CFLAR: variants seen among roughly 807,000 people sequenced by gnomAD.
The protein encoded by CFLAR is CASP8 and FADD-like apoptosis regulator.
In CFLAR, 14 loss-of-function variants were observed where a neutral mutation model predicts 51.1. The observed-to-expected ratio is 0.27, with a 90% confidence interval of 0.18 to 0.43. The LOEUF (loss-of-function observed/expected upper bound fraction) is 0.43. Ranked by LOEUF, CFLAR falls within the 20% of genes least tolerant of loss-of-function variation. The pLI, the probability that CFLAR is intolerant of heterozygous loss-of-function variation, is 1.00. For synonymous variants in CFLAR, 210 were observed against 211.6 expected (o/e 0.99, Z 0.06); for missense variants, 390 against 566.5 (o/e 0.69, Z 3.16).
chr2:201,149,671 AAAG>A, intron 7 of CFLAR, 80 bp from the exon 8 acceptor site: 3 of 1,056,270 alleles, frequency 2.8e-6, no homozygotes, highest in South Asian at 1.3e-5. Context: ...AGGAAATCCA[AAAG>A]AAGAGATGGT....
Position 201,160,522 on chromosome 2 carries a change from A to G in CFLAR, c.884A>G (p.Gln295Arg), listed in dbSNP as rs1310907369. 1 of 1,612,520 alleles carries G rather than the reference A, an allele frequency of 6.2e-7. No individual in the cohort carries two copies. Residue 295 changes from glutamine (Q) to arginine (R), a missense_variant, in exon 9 of 10, where the codon CAA becomes CGA. By Grantham distance (43) the Gln-to-Arg change is conservative (BLOSUM62 1). Transcript: ENST00000309955. ...CATGGTATATCCCAGATTCTTGGCC[A>G]ATTTGCCTGTATGCCCGAGCACCGA... is the stretch of plus-strand genomic sequence containing the variant. The part of the protein sequence containing the change: ...SMHGISQILG[Q>R]FACMPEHRDY...
chr2:201,140,155 C>G (rs1426102523), intron 4 of CFLAR: 4 of 372,812 alleles, frequency 1.1e-5, no homozygotes, highest in Non-Finnish European at 1.8e-5. Flanking sequence ...GCGGCAGCGG[C>G]GGGGCGGGCC....
At chr2:201,154,303 C>T (rs566380924) in intron 8 of CFLAR, 342 of 170,434 alleles carry the variant, frequency 2.0e-3, no homozygotes, top group Non-Finnish European at 3.6e-3. Context: ...GTCGGCCAGG[C>T]TGGTCTCGAT....
At chr2:201,145,941 A>G (rs1940050961) in intron 6 of CFLAR, among the ~76,000 whole-genome samples, 1 of 151,598 alleles carries the variant, frequency 6.6e-6, no homozygotes, top group African/African-American at 2.4e-5. Context: ...TTAGCACTTG[A>G]TCCCATAGAT....
intron 8 of CFLAR, chr2:201,150,114 T>A (rs1385790062): frequency 2.6e-5 from 5 of 192,452 alleles, no homozygotes; most frequent in Non-Finnish European, 5.3e-5. Flanking sequence ...GGCGGGCGGA[T>A]CATGAGGTCA....
At chr2:201,151,849 T>G (rs1559231562) in intron 8 of CFLAR, among the ~76,000 whole-genome samples, 1 of 152,140 alleles carries the variant, frequency 6.6e-6, no homozygotes, top group Non-Finnish European at 1.5e-5. Context: ...TGAATGTATA[T>G]TTGAATTTTT....
rs768597952 is a variant in CFLAR at position 201,173,281 on chromosome 2, C to T, written c.*9308C>T. On this transcript the variant is annotated 3_prime_UTR_variant, in exon 10 of 10. Coordinates refer to ENST00000309955, the MANE Select transcript of CFLAR (RefSeq NM_003879.7). Reference sequence around the variant, plus strand: ...GGAGTGCAGTGGTGCAATCTCAGCTCACTGCAAGCTCCGCCTCCTGGGTTC... The same window carrying T: ...GGAGTGCAGTGGTGCAATCTCAGCTTACTGCAAGCTCCGCCTCCTGGGTTC... 6.6e-6 allele frequency: 1 copy of T among 152,304 alleles called. No individual in the cohort carries two copies. Among genetic ancestry groups the T allele is most frequent in the Non-Finnish European group, 1.5e-5 (1 of 68,124 alleles). 9.4% of individuals were successfully genotyped at this position (152,304 alleles called of 1,614,324 possible).
At chr2:201,148,555 A>G (rs1940689280) in intron 6 of CFLAR, 1 of 153,402 alleles carries the variant, frequency 6.5e-6, no homozygotes, top group Non-Finnish European at 1.5e-5. Flanking sequence ...AAACAGTGCC[A>G]TCTGTTTTAT....
At position 201,170,109 on chromosome 2, in the gene CFLAR, T is replaced by C. The variant is rs1943923176; in HGVS notation, c.*6136T>C. 5.3e-5 allele frequency: 8 copies of C among 152,228 alleles called. No homozygotes were observed. Among genetic ancestry groups the C allele is most frequent in the Admixed American group, 4.6e-4 (7 of 15,276 alleles). The allele number at this position is 152,228 out of a possible 1,614,324, so 9.4% of individuals were successfully genotyped here. A position where few individuals can be genotyped will look rare whatever the true frequency, so the allele number is the denominator to read the frequency against. On this transcript the variant is annotated 3_prime_UTR_variant, in exon 10 of 10. Transcript: ENST00000309955. ...CCCAGCAATCCCATTACTGGGTATA[T>C]ACCCAAAGGAATATAAACCATTTTA...
intron 4 of CFLAR, chr2:201,137,968 C>A (rs919378018): frequency 1.3e-6 from 1 of 752,238 alleles, no homozygotes; most frequent in Non-Finnish European, 2.5e-6. Flanking sequence ...TGGATGCCAC[C>A]ATCGGCTATG....
chr2:201,129,374 G>A (rs989414627), intron 1 of CFLAR: 7 of 172,822 alleles, frequency 4.1e-5, no homozygotes, highest in African/African-American at 7.1e-5. Context: ...CTTCTACTAC[G>A]TACTTCTTCC....
At chr2:201,144,175 A>G (rs770617255) in intron 5 of CFLAR, 4 of 152,228 alleles carry the variant, frequency 2.6e-5, no homozygotes, top group Non-Finnish European at 5.9e-5. Context: ...CTACTGACAC[A>G]GCTTAACAGA....
intron 9 of CFLAR, among the ~76,000 whole-genome samples, chr2:201,161,738 C>CTT (rs3044256): frequency 1.9e-4 from 19 of 101,258 alleles, no homozygotes; most frequent in African/African-American, 7.0e-4. Context: ...TTTAATTTTT[C>CTT]TTTTTTTTTT....
chr2:201,161,324 T>C lies in CFLAR; in HGVS notation c.1304+382T>C, dbSNP rs541857770. Among the ~76,000 whole-genome samples, 5 of 152,236 alleles carry C rather than the reference T, an allele frequency of 3.3e-5. No individual in the cohort carries two copies. In the East Asian group the frequency reaches 9.6e-4, roughly 29 times the overall value. On this transcript the variant is annotated intron_variant, in intron 9 of 9. Coordinates refer to ENST00000309955, the MANE Select transcript of CFLAR (RefSeq NM_003879.7). ...AGTTTGAGGCTGCAGTGAGTCGTGA[T>C]TGCACTACTGCACTGCAGCCTGAGC...
chr2:201,130,284 A>T lies in CFLAR; in HGVS notation c.281+138A>T, dbSNP rs984407907. 7.5e-6 allele frequency: 4 copies of T among 532,938 alleles called. No individual in the cohort carries two copies. The East Asian group carries it at 1.1e-4, about 15-fold the overall frequency. 33.0% of individuals were successfully genotyped at this position (532,938 alleles called of 1,614,324 possible). ...TGCCCACTTATCCAACTGCCAGATGATGTCACTTCATTCCTGTGAGCCCTT... is the reference window on the plus strand; with the variant it reads ...TGCCCACTTATCCAACTGCCAGATGTTGTCACTTCATTCCTGTGAGCCCTT... On this transcript the variant is annotated intron_variant, in intron 2 of 9. Coordinates refer to ENST00000309955, the MANE Select transcript of CFLAR (RefSeq NM_003879.7).
chr2:201,169,284 A>C lies in CFLAR; in HGVS notation c.*5311A>C, dbSNP rs1943865490. 1 of 152,200 alleles carries C rather than the reference A, an allele frequency of 6.6e-6. No homozygotes were observed. The highest frequency in any genetic ancestry group is 2.4e-5 in the African/African-American group (1 of 41,462). The allele number at this position is 152,200 out of a possible 1,614,324, so 9.4% of individuals were successfully genotyped here. Reference sequence around the variant, plus strand: ...CAGACACATAGACCAATGGAACAGAATAGAGACCAGAGAAAGAAGACCACA... The same window carrying C: ...CAGACACATAGACCAATGGAACAGACTAGAGACCAGAGAAAGAAGACCACA... On this transcript the variant is annotated 3_prime_UTR_variant, in exon 10 of 10. Coordinates refer to ENST00000309955, the MANE Select transcript of CFLAR (RefSeq NM_003879.7).
chr2:201,141,502 A>AATGTGTTTAGCCCTTTCTTGTTGCT lies in CFLAR; in HGVS notation c.606+1064_606+1088dup. 3.3e-6 allele frequency: 5 copies of AATGTGTTTAGCCCTTTCTTGTTGCT among 1,519,338 alleles called. No homozygotes were observed. The South Asian group carries it at 5.0e-5, about 15-fold the overall frequency. The allele number at this position is 1,519,338 out of a possible 1,614,324, so 94.1% of individuals were successfully genotyped here. A position where few individuals can be genotyped will look rare whatever the true frequency, so the allele number is the denominator to read the frequency against. On this transcript the variant is annotated intron_variant, in intron 5 of 9. Coordinates refer to ENST00000309955, the MANE Select transcript of CFLAR (RefSeq NM_003879.7). The stretch of plus-strand genomic sequence containing the variant: ...TCGTTTCATTTTCTAAATGTGTTAT[A>AATGTGTTTAGCCCTTTCTTGTTGCT]ATGTGTTTAGCCCTTTCTTGTTGCT...
At position 201,171,603 on chromosome 2, in the gene CFLAR, T is replaced by C. The variant is rs1217060199; in HGVS notation, c.*7630T>C. ...GTGCAGCAAACCACCATGGGACACG[T>C]TTACCTATGTAACAAACCCGCACAT... On this transcript the variant is annotated 3_prime_UTR_variant, in exon 10 of 10. Coordinates refer to ENST00000309955, the MANE Select transcript of CFLAR (RefSeq NM_003879.7). 1 of 152,076 alleles carries C rather than the reference T, an allele frequency of 6.6e-6. No homozygotes were observed. Among genetic ancestry groups the C allele is most frequent in the Non-Finnish European group, 1.5e-5 (1 of 68,034 alleles). 9.4% of individuals were successfully genotyped at this position (152,076 alleles called of 1,614,324 possible). A position where few individuals can be genotyped will look rare whatever the true frequency, so the allele number is the denominator to read the frequency against.
rs918351434 is a variant in CFLAR, at chr2:201,166,203, G to A, written c.*2230G>A. ...TCCCTCCCGGACGGGATAGCTGGCC[G>A]GGCGGGGGCTGACCCCCCACCTCCC... On this transcript the variant is annotated 3_prime_UTR_variant, in exon 10 of 10. Coordinates refer to ENST00000309955, the MANE Select transcript of CFLAR (RefSeq NM_003879.7). The A allele has an allele frequency of 3.2e-5, 5 of 157,584 alleles. No individual in the cohort carries two copies. Among genetic ancestry groups the A allele is most frequent in the Non-Finnish European group, 1.4e-5 (1 of 72,230 alleles). 9.8% of individuals were successfully genotyped at this position (157,584 alleles called of 1,614,324 possible). A position where few individuals can be genotyped will look rare whatever the true frequency, so the allele number is the denominator to read the frequency against.
Sources: allele counts gnomAD v4.1 joint callset (sites outside exome capture counted in the v4.1 genomes callset), GRCh38; gene constraint gnomAD v4.1.1; transcripts MANE v1.5; gene names NCBI Gene and HGNC (gene_info 2026-07-23, HGNC 2026-07-21).